VWA3B: variants seen among roughly 807,000 people sequenced by gnomAD.
VWA3B encodes the protein von Willebrand factor A domain-containing protein 3B.
A neutral mutation model predicts 158.3 loss-of-function variants in VWA3B; 138 were observed. The observed-to-expected ratio is 0.87, with a 90% CI of 0.76 to 1.00. The LOEUF is 1.00. VWA3B is among the 50% of genes least tolerant of loss of function. The pLI, the probability that VWA3B is intolerant of heterozygous loss-of-function variation, is 0.00. For missense variants in VWA3B, 1,555 were observed against 1,565.1 expected (o/e 0.99, Z 0.11); for synonymous variants, 596 against 587.3 (o/e 1.01, Z -0.21).
chr2:98,298,800 G>A (rs181185216), intron 24 of VWA3B, among the ~76,000 whole-genome samples: 14 of 152,378 alleles, frequency 9.2e-5, no homozygotes, highest in Admixed American at 7.2e-4. Flanking sequence ...GCTCAAGGGC[G>A]CTGTTACAAA....
chr2:98,258,572 C>G (rs1687295976), intron 21 of VWA3B, among the ~76,000 whole-genome samples: 1 of 151,718 alleles, frequency 6.6e-6, no homozygotes, highest in Non-Finnish European at 1.5e-5. Context: ...TTCACATCCT[C>G]TGTTATTTTG....
At chr2:98,181,314 G>A in intron 9 of VWA3B, 102 bp downstream of exon 9, 1 of 1,285,100 alleles carries the variant, frequency 7.8e-7, no homozygotes, top group Non-Finnish European at 1.1e-6. Flanking sequence ...GCAGCAGGGA[G>A]AGAAACCAGC....
At chr2:98,232,399 C>T (rs1685398927) in intron 16 of VWA3B, among the ~76,000 whole-genome samples, 1 of 151,920 alleles carries the variant, frequency 6.6e-6, no homozygotes, top group Non-Finnish European at 1.5e-5. Flanking sequence ...GGCTTTCTTG[C>T]TTTTCTTTCT....
chr2:98,231,629 G>GA (rs1272146899), intron 16 of VWA3B, among the ~76,000 whole-genome samples: 3 of 152,126 alleles, frequency 2.0e-5, no homozygotes, highest in Admixed American at 1.3e-4. Flanking sequence ...AACACTTCTA[G>GA]AAAAAAATTA....
chr2:98,113,049 A>T (rs1674266191), intron 2 of VWA3B, among the ~76,000 whole-genome samples: 1 of 150,630 alleles, frequency 6.6e-6, no homozygotes, highest in African/African-American at 2.4e-5. Flanking sequence ...CTCCAACATT[A>T]TATATATATA....
At chr2:98,300,667 G>T (rs998430170) in intron 25 of VWA3B, among the ~76,000 whole-genome samples, 2 of 151,990 alleles carry the variant, frequency 1.3e-5, no homozygotes, top group Non-Finnish European at 2.9e-5. Context: ...GTGTCTTTCG[G>T]TGTGAGCCTC....
chr2:98,265,947 C>T (rs1338940667), intron 21 of VWA3B, among the ~76,000 whole-genome samples: 2 of 129,674 alleles, frequency 1.5e-5, no homozygotes, highest in Non-Finnish European at 3.3e-5. Context: ...GATATTAGCC[C>T]TTTGTCAGAT....
At chr2:98,234,812 C>T in intron 17 of VWA3B, 45 bp downstream of exon 17, 2 of 1,613,022 alleles carry the variant, frequency 1.2e-6, no homozygotes, top group Non-Finnish European at 1.7e-6. Context: ...TCCCTTTCCA[C>T]AGTGTATCTG....
chr2:98,195,503 G>C (rs1574048874), intron 12 of VWA3B, among the ~76,000 whole-genome samples: 1 of 152,010 alleles, frequency 6.6e-6, no homozygotes, highest in South Asian at 2.1e-4. Flanking sequence ...ACCTTATCCT[G>C]GGAAATAGTG....
At chr2:98,104,951 G>A (rs932585573) in intron 2 of VWA3B, among the ~76,000 whole-genome samples, 8 of 152,034 alleles carry the variant, frequency 5.3e-5, no homozygotes, top group Non-Finnish European at 1.0e-4. Flanking sequence ...CTGTTTTAAT[G>A]TATTTTATTT....
At chr2:98,122,385 T>C (rs1222506713) in intron 5 of VWA3B, among the ~76,000 whole-genome samples, 1 of 152,254 alleles carries the variant, frequency 6.6e-6, no homozygotes, top group Non-Finnish European at 1.5e-5. Flanking sequence ...AAGCCACGTG[T>C]TGGCATCTTG....
chr2:98,155,887 C>CT (rs947512568), intron 7 of VWA3B, among the ~76,000 whole-genome samples: 11 of 151,758 alleles, frequency 7.2e-5, no homozygotes, highest in African/African-American at 2.4e-5. Context: ...AATCACCCAA[C>CT]TTTTTTTTTC....
chr2:98,163,998 C>A (rs796619047), intron 8 of VWA3B, among the ~76,000 whole-genome samples: 1 of 152,164 alleles, frequency 6.6e-6, no homozygotes, highest in African/African-American at 2.4e-5. Flanking sequence ...GGGAGACTGT[C>A]GAGTTGCCGG....
At chr2:98,122,289 T>C (rs1675028326) in intron 5 of VWA3B, among the ~76,000 whole-genome samples, 1 of 152,182 alleles carries the variant, frequency 6.6e-6, no homozygotes, top group Admixed American at 6.5e-5. Context: ...TTAACAATTA[T>C]GTGCTTCCTC....
the VWA3B span, among the ~76,000 whole-genome samples, chr2:98,323,994 C>T: frequency 3.9e-5 from 6 of 152,092 alleles, no homozygotes; most frequent in African/African-American, 1.4e-4. Flanking sequence ...AAGTACCACA[C>T]GTGGAGGCTT....
chr2:98,284,521 G>C (rs539386700), intron 22 of VWA3B, among the ~76,000 whole-genome samples: 1 of 152,308 alleles, frequency 6.6e-6, no homozygotes, highest in East Asian at 1.9e-4. Flanking sequence ...TCATAAATTA[G>C]AGACTTTCTT....
chr2:98,166,323 C>T (rs1398183440), intron 8 of VWA3B, among the ~76,000 whole-genome samples: 2 of 152,062 alleles, frequency 1.3e-5, no homozygotes, highest in African/African-American at 2.4e-5. Context: ...GGCAACAGAG[C>T]GAGACTCTGT....
intron 20 of VWA3B, among the ~76,000 whole-genome samples, chr2:98,255,180 ATATTT>A (rs1687043232): frequency 1.5e-5 from 1 of 65,904 alleles, no homozygotes; most frequent in African/African-American, 6.6e-5. Context: ...CGCCCGGCTG[ATATTT>A]TTTTTTTTTT....
intron 19 of VWA3B, among the ~76,000 whole-genome samples, chr2:98,249,501 T>C (rs1319514875): frequency 6.6e-6 from 1 of 152,168 alleles, no homozygotes; most frequent in Non-Finnish European, 1.5e-5. Flanking sequence ...AAGTCTTGGA[T>C]AGAATACATG....
Sources: gnomAD v4.1 joint callset for allele counts (sites outside exome capture counted in the v4.1 genomes callset) on GRCh38, gnomAD v4.1.1 for gene constraint, MANE v1.5 for transcripts, NCBI Gene and HGNC (gene_info 2026-07-23, HGNC 2026-07-21) for gene names.